KYNU: variants seen among roughly 807,000 people sequenced by gnomAD.
The protein encoded by KYNU is kynureninase.
A neutral mutation model predicts 59.2 loss-of-function variants in KYNU; 54 were observed. The ratio of observed to expected loss-of-function variants is 0.91; its 90% CI spans 0.73 to 1.14. KYNU has a LOEUF of 1.14. Among genes scored for constraint, KYNU ranks in the 50% most tolerant of loss-of-function variants. The pLI, the probability that KYNU is intolerant of heterozygous loss-of-function variation, is 0.00. For synonymous variants in KYNU, 177 were observed against 192.0 expected (o/e 0.92, Z 0.65); for missense variants, 567 against 554.4 (o/e 1.02, Z -0.23).
chr2:143,010,783 A>C lies in KYNU; in HGVS notation c.903-18844A>C, dbSNP rs1352441860. ...CATACCTACAACTATCTGATCTTTG[A>C]CAAACCTGAGAAAAACAAGCAATGG... On this transcript the variant is annotated intron_variant, in intron 10 of 13. Coordinates refer to ENST00000264170, the MANE Select transcript of KYNU (RefSeq NM_003937.3). 1.6e-4 allele frequency among the ~76,000 whole-genome samples: 23 copies of C among 146,388 alleles called. 1 individual carries two copies. Among genetic ancestry groups the C allele is most frequent in the Non-Finnish European group, 3.0e-4 (20 of 67,000 alleles).
chr2:143,054,914 CATT>C lies in KYNU; in HGVS notation c.*12743_*12745del, dbSNP rs749560283. On this transcript the variant is annotated 3_prime_UTR_variant, in exon 14 of 14. Coordinates refer to ENST00000264170, the MANE Select transcript of KYNU (RefSeq NM_003937.3). ...CATTCAAAGACCAACTATAAAAAGACATTGTTGTGAGAATTGAGGAAATTTGAA... is the reference window on the plus strand; with the variant it reads ...CATTCAAAGACCAACTATAAAAAGACGTTGTGAGAATTGAGGAAATTTGAA... 1.3e-5 allele frequency: 2 copies of C among 152,092 alleles called. No homozygotes were observed. Among genetic ancestry groups the C allele is most frequent in the African/African-American group, 2.4e-5 (1 of 41,424 alleles). 9.4% of individuals were successfully genotyped at this position (152,092 alleles called of 1,614,324 possible). A position where few individuals can be genotyped will look rare whatever the true frequency, so the allele number is the denominator to read the frequency against.
Position 142,956,211 on chromosome 2 carries a change from T to C in KYNU, c.444T>C (p.Phe148=), listed in dbSNP as rs750576267. 3.8e-6 allele frequency: 6 copies of C among 1,587,828 alleles called. No individual in the cohort carries two copies. In the East Asian group the frequency reaches 1.3e-4, roughly 36 times the overall value. Residue 148 remains phenylalanine (F), a synonymous_variant, in exon 6 of 14, where the codon TTT becomes TTC. Coordinates refer to ENST00000264170, the MANE Select transcript of KYNU (RefSeq NM_003937.3). ...AATCCATTTTATTGCAGTTATCATT[T>C]TTTAAGCCTACGCCAAAACGATATA... The part of the protein sequence containing the change: ...TVNLHLLMLS[F]FKPTPKRYKI...
chr2:142,885,434 C>A lies in KYNU; in HGVS notation c.67C>A (p.His23Asn). 6.2e-7 allele frequency: 1 copy of A among 1,614,088 alleles called. No individual in the cohort carries two copies. Among genetic ancestry groups the A allele is most frequent in the Non-Finnish European group, 8.5e-7 (1 of 1,180,006 alleles). ...GCGCATTGCGGCTGAACTCAAATGC[C>A]ACCCAACGGATGAGAGGGTGGCTCT... ...VQRIAAELKCHPTDERVALHL... is the reference protein window; with the variant it reads ...VQRIAAELKCNPTDERVALHL... Residue 23 changes from histidine to asparagine, a missense_variant, in exon 2 of 14, where the codon CAC becomes AAC. Coordinates refer to ENST00000264170, the MANE Select transcript of KYNU (RefSeq NM_003937.3).
At chr2:143,030,189 C>A (rs1267368335) in intron 11 of KYNU, among the ~76,000 whole-genome samples, 1 of 152,224 alleles carries the variant, frequency 6.6e-6, no homozygotes, top group Non-Finnish European at 1.5e-5. Context: ...AAGTAGGACA[C>A]AGCAGTACCT....
intron 5 of KYNU, among the ~76,000 whole-genome samples, chr2:142,955,160 A>G (rs1684121112): frequency 6.6e-6 from 1 of 152,054 alleles, no homozygotes; most frequent in Non-Finnish European, 1.5e-5. Context: ...CCTACAAAAC[A>G]GTGATGTACA....
chr2:142,905,414 T>C (rs1417420572), intron 2 of KYNU, among the ~76,000 whole-genome samples: 1 of 152,232 alleles, frequency 6.6e-6, no homozygotes, highest in East Asian at 1.9e-4. Context: ...TTGTGGTTTT[T>C]TTCTCAATCA....
Position 142,918,590 on chromosome 2 carries a change from G to A in KYNU, c.170-19G>A. 1.1e-6 allele frequency: 1 copy of A among 871,904 alleles called. No individual in the cohort carries two copies. The highest frequency in any genetic ancestry group is 1.5e-6 in the Non-Finnish European group (1 of 667,596). 54.0% of individuals were successfully genotyped at this position (871,904 alleles called of 1,614,324 possible). A position where few individuals can be genotyped will look rare whatever the true frequency, so the allele number is the denominator to read the frequency against. ...AGCTTTTATTTTTTTTTTTTTTTTT[G>A]ACATTTCTTCTGTTTCAGTTGATTT... On this transcript the variant is annotated intron_variant, in intron 2 of 13. Transcript: ENST00000264170.
chr2:142,953,190 T>A (rs1417305639), intron 4 of KYNU, among the ~76,000 whole-genome samples: 2 of 152,182 alleles, frequency 1.3e-5, no homozygotes, highest in Non-Finnish European at 2.9e-5. Context: ...GTCCTGGCAA[T>A]TGACAACAAC....
At chr2:143,018,621 C>G (rs531713339) in intron 10 of KYNU, among the ~76,000 whole-genome samples, 58 of 152,158 alleles carry the variant, frequency 3.8e-4, no homozygotes, top group African/African-American at 1.3e-3. Context: ...TCTATTTGGG[C>G]TCTTTTTTGG....
intron 10 of KYNU, 93 bp downstream of exon 10, chr2:142,986,114 C>A (rs1299918690): frequency 4.7e-6 from 4 of 844,170 alleles, no homozygotes; most frequent in African/African-American, 1.7e-5. Flanking sequence ...AAGATGCTAT[C>A]CAATAGGAAT....
chr2:143,040,949 T>C (rs1031731753), intron 13 of KYNU, among the ~76,000 whole-genome samples: 1 of 152,090 alleles, frequency 6.6e-6, no homozygotes, highest in African/African-American at 2.4e-5. Flanking sequence ...TATTTCATCA[T>C]ACTCAGTCAG....
intron 10 of KYNU, among the ~76,000 whole-genome samples, chr2:143,005,897 A>G (rs1328470252): frequency 6.6e-6 from 1 of 152,160 alleles, no homozygotes; most frequent in Non-Finnish European, 1.5e-5. Flanking sequence ...ACAAGTACAC[A>G]TTGCTTCAGT....
At chr2:142,938,717 ATC>A (rs1683476224) in intron 4 of KYNU, among the ~76,000 whole-genome samples, 1 of 152,210 alleles carries the variant, frequency 6.6e-6, no homozygotes, top group Non-Finnish European at 1.5e-5. Context: ...TTTCATGAAA[ATC>A]TATTTTTATA....
chr2:142,982,739 A>G (rs1685084470), intron 8 of KYNU, among the ~76,000 whole-genome samples: 1 of 152,084 alleles, frequency 6.6e-6, no homozygotes, highest in African/African-American at 2.4e-5. Context: ...AAAATTAAGC[A>G]CCATATAAAA....
intron 4 of KYNU, among the ~76,000 whole-genome samples, chr2:142,943,026 C>T (rs1228038901): frequency 1.3e-5 from 2 of 152,240 alleles, no homozygotes; most frequent in Admixed American, 6.5e-5. Flanking sequence ...TGAGCCCACT[C>T]ACCCAAATCC....
rs191320648 is a variant in KYNU, at chr2:142,934,075, C to T, written c.373+6334C>T. 5.9e-5 allele frequency among the ~76,000 whole-genome samples: 9 copies of T among 152,226 alleles called. No homozygotes were observed. The East Asian group carries it at 7.7e-4, about 13-fold the overall frequency. On this transcript the variant is annotated intron_variant, in intron 4 of 13. Transcript: ENST00000264170. Reference sequence around the variant, plus strand: ...AATGAGCCTGAGGTCCTGGATTAAGCGATAAGTTTCATCTGGCTTTTTGAC... The same window carrying T: ...AATGAGCCTGAGGTCCTGGATTAAGTGATAAGTTTCATCTGGCTTTTTGAC...
At chr2:143,018,719 A>T (rs1686328556) in intron 10 of KYNU, among the ~76,000 whole-genome samples, 1 of 152,118 alleles carries the variant, frequency 6.6e-6, no homozygotes, top group South Asian at 2.1e-4. Flanking sequence ...GAATCTGTAG[A>T]TTGCTTTGAA....
At chr2:143,035,120 C>A (rs1395654859) in intron 12 of KYNU, among the ~76,000 whole-genome samples, 8 of 152,076 alleles carry the variant, frequency 5.3e-5, no homozygotes, top group Admixed American at 4.6e-4. Flanking sequence ...TTTATTTTTT[C>A]TTTTTAATAT....
intron 1 of KYNU, among the ~76,000 whole-genome samples, chr2:142,881,916 C>CTTTTTTTTTTTTTTTTTTTTTTTTTTTT (rs869099302): frequency 8.8e-6 from 1 of 113,172 alleles, no homozygotes; most frequent in African/African-American, 3.4e-5. Context: ...TTTCTTTTTT[C>CTTTTTTTTTTTTTTTTTTTTTTTTTTTT]TTTTTTTTTT....
Sources: gnomAD v4.1 joint callset for allele counts (sites outside exome capture counted in the v4.1 genomes callset) on GRCh38, gnomAD v4.1.1 for gene constraint, MANE v1.5 for transcripts, NCBI Gene and HGNC (gene_info 2026-07-23, HGNC 2026-07-21) for gene names.